The following PLEKHD1 variants were observed in gnomAD, a reference collection of about 807,000 sequenced individuals.
The protein encoded by PLEKHD1 is pleckstrin homology and coiled-coil domain containing D1, also known as pleckstrin homology domain-containing family D member 1.
PLEKHD1 carries 51 observed loss-of-function variants against 69.2 expected under a neutral mutation model. The observed-to-expected ratio is 0.74, with a 90% CI of 0.59 to 0.93. The LOEUF (loss-of-function observed/expected upper bound fraction) is 0.93. PLEKHD1 is among the 40% of genes least tolerant of loss of function. The pLI, the probability that PLEKHD1 is intolerant of heterozygous loss-of-function variation, is 0.00. For missense variants in PLEKHD1, 584 were observed against 641.0 expected, an observed-to-expected ratio of 0.91 and a Z score of 0.96; for synonymous variants, 236 against 244.7, an observed-to-expected ratio of 0.96 and a Z score of 0.33.
chr14:69,503,889 A>G (rs1365734231), intron 6 of PLEKHD1, among the ~76,000 whole-genome samples: 1 of 148,268 alleles, frequency 6.7e-6, no homozygotes, highest in East Asian at 2.0e-4. Context: ...AAAAAAAAAA[A>G]TCTCAGCGAA....
intron 1 of PLEKHD1, among the ~76,000 whole-genome samples, chr14:69,499,461 G>A (rs1223233459): frequency 6.6e-6 from 1 of 152,196 alleles, no homozygotes; most frequent in East Asian, 1.9e-4. Flanking sequence ...AGTCCTGGGA[G>A]AGCCCCTGGG....
upstream of PLEKHD1, among the ~76,000 whole-genome samples, chr14:69,484,104 G>A (rs1882597766): frequency 6.6e-6 from 1 of 152,246 alleles, no homozygotes; most frequent in Non-Finnish European, 1.5e-5. Flanking sequence ...AGGCGGCGGC[G>A]GCGGAGCACA....
At chr14:69,473,128 A>G in the PLEKHD1 span, among the ~76,000 whole-genome samples, 14 of 152,278 alleles carry the variant, frequency 9.2e-5, no homozygotes, top group African/African-American at 3.4e-4. Context: ...ATATATTACA[A>G]TGTAATAATA....
intron 4 of PLEKHD1, 183 bp from the exon 5 acceptor site, chr14:69,501,551 T>C (rs1429691040): frequency 7.9e-6 from 4 of 507,362 alleles, no homozygotes; most frequent in Non-Finnish European, 1.4e-5. Context: ...CTACTGTAAC[T>C]GATCCGTGCT....
At chr14:69,510,567 A>T (rs147504228) in intron 6 of PLEKHD1, among the ~76,000 whole-genome samples, 1 of 152,196 alleles carries the variant, frequency 6.6e-6, no homozygotes, top group South Asian at 2.1e-4. Context: ...TATTGCCAGT[A>T]TATAGGAAAA....
chr14:69,513,866 A>C (rs924478762), intron 6 of PLEKHD1, among the ~76,000 whole-genome samples: 20 of 152,318 alleles, frequency 1.3e-4, no homozygotes, highest in African/African-American at 4.6e-4. Flanking sequence ...TAGGGTACAG[A>C]ATTCTAAGCT....
At chr14:69,508,557 G>A (rs1268458359) in intron 6 of PLEKHD1, among the ~76,000 whole-genome samples, 1 of 152,188 alleles carries the variant, frequency 6.6e-6, no homozygotes, top group Non-Finnish European at 1.5e-5. Context: ...TGGGACTACA[G>A]GCATGCACCA....
chr14:69,491,861 T>A (rs576945220), intron 1 of PLEKHD1, among the ~76,000 whole-genome samples: 22 of 152,186 alleles, frequency 1.4e-4, no homozygotes, highest in Admixed American at 2.6e-4. Context: ...CAAGCTAGAG[T>A]CCTGGTCATC....
intron 1 of PLEKHD1, among the ~76,000 whole-genome samples, chr14:69,491,819 A>G (rs1234391872): frequency 2.6e-5 from 4 of 152,324 alleles, no homozygotes; most frequent in Middle Eastern, 3.4e-3. Flanking sequence ...TCCCTAATTC[A>G]TATTGGATGG....
chr14:69,513,155 G>T (rs1194810197), intron 6 of PLEKHD1, among the ~76,000 whole-genome samples: 1 of 151,850 alleles, frequency 6.6e-6, no homozygotes, highest in South Asian at 2.1e-4. Flanking sequence ...GGAGGCGGAA[G>T]TTGCAGTGAG....
rs182729703 is a variant in PLEKHD1, at chr14:69,495,031, A to C, written c.150-5084A>C. Among the ~76,000 whole-genome samples, 3 of 152,244 alleles carry C rather than the reference A, an allele frequency of 2.0e-5. No homozygotes were observed. In the East Asian group the frequency reaches 5.8e-4, roughly 29 times the overall value. ...TCTCCACCCAAGCCATTCTGGGGAC[A>C]GCTGCAGCCAGGCCGGGTGTGGCAT... On this transcript the variant is annotated intron_variant, in intron 1 of 12. Transcript: ENST00000322564.
chr14:69,503,089 G>C, intron 6 of PLEKHD1: 1 of 575,720 alleles, frequency 1.7e-6, no homozygotes. Context: ...CAACCCCTGG[G>C]AGTAAAGTGA....
intron 9 of PLEKHD1, among the ~76,000 whole-genome samples, 158 bp downstream of exon 9, chr14:69,526,280 G>T (rs986925813): frequency 1.2e-4 from 18 of 152,162 alleles, no homozygotes; most frequent in African/African-American, 4.3e-4. Context: ...CAGGAAAGTG[G>T]GAAGAGAACT....
chr14:69,527,736 GT>G, intron 11 of PLEKHD1, 46 bp from the exon 12 acceptor site: 4 of 1,544,458 alleles, frequency 2.6e-6, no homozygotes, highest in Non-Finnish European at 3.5e-6. Context: ...CTGGCTGGGG[GT>G]AAGGATGCAG....
the PLEKHD1 span, among the ~76,000 whole-genome samples, chr14:69,476,768 C>G: frequency 2.6e-5 from 4 of 152,064 alleles, no homozygotes; most frequent in Non-Finnish European, 5.9e-5. Context: ...TGAGTGAGCG[C>G]GGACAGGGGC....
intron 6 of PLEKHD1, among the ~76,000 whole-genome samples, chr14:69,505,313 A>G (rs1490708963): frequency 6.6e-6 from 1 of 152,190 alleles, no homozygotes; most frequent in African/African-American, 2.4e-5. Context: ...TGAGTCATTC[A>G]GTCAAAGTTT....
rs150954089 is a variant in PLEKHD1 at position 69,523,052 on chromosome 14, C to A, written c.650+675C>A. On this transcript the variant is annotated intron_variant, in intron 7 of 12. Coordinates refer to ENST00000322564, the MANE Select transcript of PLEKHD1 (RefSeq NM_001161498.2). ...GGTTCAAGTGATTCTTGTGCCTCAG[C>A]CTCCTGAGGAGCTGGGATTACAGAC... 0.017 allele frequency among the ~76,000 whole-genome samples: 2,581 copies of A among 152,232 alleles called. 111 individuals carry two copies. The South Asian group carries it at 0.17, about 10-fold the overall frequency.
chr14:69,483,428 A>G (rs951201673), upstream of PLEKHD1, among the ~76,000 whole-genome samples: 1 of 152,024 alleles, frequency 6.6e-6, no homozygotes. Context: ...CAAAGACTTA[A>G]GTCTACTGTG....
At chr14:69,521,570 A>G (rs917878286) in intron 6 of PLEKHD1, among the ~76,000 whole-genome samples, 2 of 152,244 alleles carry the variant, frequency 1.3e-5, no homozygotes, top group African/African-American at 2.4e-5. Flanking sequence ...AAATGTTTCA[A>G]GCCAAATTAC....
Sources: gnomAD v4.1 joint callset for allele counts (sites outside exome capture counted in the v4.1 genomes callset) on GRCh38, gnomAD v4.1.1 for gene constraint, MANE v1.5 for transcripts, NCBI Gene and HGNC (gene_info 2026-07-23, HGNC 2026-07-21) for gene names.